The following FBXL2 variants were observed in gnomAD, a reference collection of about 807,000 sequenced individuals.
FBXL2 encodes F-box and leucine rich repeat protein 2, also known as F-box/LRR-repeat protein 2.
A neutral mutation model predicts 69.2 loss-of-function variants in FBXL2; 38 were observed. That is an observed-to-expected ratio of 0.55 (90% CI 0.42 to 0.72). The LOEUF (loss-of-function observed/expected upper bound fraction) is 0.72, where lower values mean the gene tolerates loss of function less well. Among genes scored for constraint, FBXL2 ranks in the 30% least tolerant of loss-of-function variants. FBXL2 has a pLI of 0.00. For synonymous variants in FBXL2, 192 were observed against 201.3 expected (o/e 0.95, Z 0.39); for missense variants, 354 against 520.3 (o/e 0.68, Z 3.11).
chr3:33,388,125 T>TTTAGTTAGTTAGTTAG (rs71070136), downstream of FBXL2: 1 of 145,724 alleles, frequency 6.9e-6, no homozygotes, highest in Non-Finnish European at 1.5e-5. Context: ...TCTGGAATAG[T>TTTAGTTAGTTAGTTAG]TTAGTTAGTT....
At chr3:33,319,462 CTTCAT>C (rs1334492452) in intron 2 of FBXL2, among the ~76,000 whole-genome samples, 2 of 151,970 alleles carry the variant, frequency 1.3e-5, no homozygotes, top group African/African-American at 4.8e-5. Flanking sequence ...GAAGACATTC[CTTCAT>C]TTAACAGCTA....
chr3:33,288,875 A>G (rs2034932886), intron 1 of FBXL2, among the ~76,000 whole-genome samples: 1 of 152,192 alleles, frequency 6.6e-6, no homozygotes, highest in East Asian at 1.9e-4. Flanking sequence ...GTGGAGTAAA[A>G]TTAGGGGAGA....
chr3:33,305,859 A>G (rs1051097213), intron 2 of FBXL2, among the ~76,000 whole-genome samples: 2 of 151,488 alleles, frequency 1.3e-5, no homozygotes, highest in Non-Finnish European at 2.9e-5. Context: ...TTTCTTTGTA[A>G]ACTCTGCTGT....
exon 13 of FBXL2, chr3:33,403,310 T>C (rs894890730): frequency 2.6e-5 from 6 of 235,264 alleles, no homozygotes; most frequent in Non-Finnish European, 5.1e-5. Flanking sequence ...TGACATCACA[T>C]GGTGACCTGA....
chr3:33,341,925 T>C (rs1575264031), intron 2 of FBXL2, among the ~76,000 whole-genome samples: 1 of 151,232 alleles, frequency 6.6e-6, no homozygotes, highest in African/African-American at 2.4e-5. Context: ...GTAGGTGTTA[T>C]AATAAGATGT....
At chr3:33,398,675 G>A (rs908707147) in intron 12 of FBXL2, among the ~76,000 whole-genome samples, 1 of 152,210 alleles carries the variant, frequency 6.6e-6, no homozygotes, top group Non-Finnish European at 1.5e-5. Flanking sequence ...TAAGGAAAAG[G>A]CAGAAGGCCA....
At position 33,385,813 on chromosome 3, in the gene FBXL2, G is replaced by A. The variant is rs1474523631; in HGVS notation, c.*205G>A. 2 of 579,490 alleles carry A rather than the reference G, an allele frequency of 3.5e-6. No individual in the cohort carries two copies. The highest frequency in any genetic ancestry group is 6.2e-6 in the Non-Finnish European group (2 of 324,390). 35.9% of individuals were successfully genotyped at this position (579,490 alleles called of 1,614,324 possible). A position where few individuals can be genotyped will look rare whatever the true frequency, so the allele number is the denominator to read the frequency against. The stretch of plus-strand genomic sequence containing the variant: ...TGTGAAACAATCAAATCAAAGCCTT[G>A]TGTCAGTTAACACATGACAAGTGGT... On this transcript the variant is annotated 3_prime_UTR_variant, in exon 15 of 15. Coordinates refer to ENST00000484457, the MANE Select transcript of FBXL2 (RefSeq NM_012157.5).
chr3:33,364,439 CATTTTTCA>C lies in FBXL2; in HGVS notation c.196-185_196-178del. On this transcript the variant is annotated intron_variant, in intron 4 of 14. Transcript: ENST00000484457. ...AGAATACTTAATGCTTTAATTGGAC[CATTTTTCA>C]GTGCTTGCAGCCCCTGTATGCATTA... is the stretch of plus-strand genomic sequence containing the variant. 4 of 609,394 alleles carry C rather than the reference CATTTTTCA, an allele frequency of 6.6e-6. No individual in the cohort carries two copies. The South Asian group carries it at 8.1e-5, about 12-fold the overall frequency. 37.7% of individuals were successfully genotyped at this position (609,394 alleles called of 1,614,324 possible).
chr3:33,377,747 C>CCAACTT (rs1296037083), intron 11 of FBXL2, among the ~76,000 whole-genome samples: 1 of 152,170 alleles, frequency 6.6e-6, no homozygotes, highest in African/African-American at 2.4e-5. Context: ...CTACCTCCAC[C>CCAACTT]CAACCCCCAC....
At chr3:33,380,428 C>G (rs1013533627) in intron 13 of FBXL2, among the ~76,000 whole-genome samples, 1 of 151,418 alleles carries the variant, frequency 6.6e-6, no homozygotes, top group Non-Finnish European at 1.5e-5. Context: ...CATGGTGGCA[C>G]ATGCCTATAA....
At position 33,295,302 on chromosome 3, in the gene FBXL2, A is replaced by G. The variant is rs557563396; in HGVS notation, c.4-2362A>G. On this transcript the variant is annotated intron_variant, in intron 1 of 14. Coordinates refer to ENST00000484457, the MANE Select transcript of FBXL2 (RefSeq NM_012157.5). ...ACTAGTCTATTTTCTGTCTCCATGG[A>G]TTTGCCTTTTCTGGACATTTAATGT... is the stretch of plus-strand genomic sequence containing the variant. Among the ~76,000 whole-genome samples, 13 of 152,156 alleles carry G rather than the reference A, an allele frequency of 8.5e-5. No individual in the cohort carries two copies. The South Asian group carries it at 2.7e-3, about 32-fold the overall frequency.
chr3:33,370,241 C>T (rs551626202), intron 5 of FBXL2, among the ~76,000 whole-genome samples: 7 of 151,828 alleles, frequency 4.6e-5, no homozygotes, highest in East Asian at 2.0e-4. Context: ...AGTGAAATCC[C>T]GTCTCTACTA....
chr3:33,289,783 G>A (rs1194667151), intron 1 of FBXL2: 2 of 985,426 alleles, frequency 2.0e-6, no homozygotes, highest in Non-Finnish European at 1.2e-6. Context: ...GAGCTAAGAA[G>A]GGTCCTGCTG....
At chr3:33,299,860 T>C (rs1479158355) in intron 2 of FBXL2, among the ~76,000 whole-genome samples, 1 of 152,190 alleles carries the variant, frequency 6.6e-6, no homozygotes, top group African/African-American at 2.4e-5. Context: ...ATGTTTGCCA[T>C]ATAAACCCAA....
downstream of FBXL2, chr3:33,388,491 A>G (rs2043608502): frequency 1.3e-5 from 2 of 152,666 alleles, no homozygotes; most frequent in South Asian, 2.1e-4. Flanking sequence ...TTCAAGTCTG[A>G]TAAGCATCTA....
chr3:33,315,208 C>T (rs1319788765), intron 2 of FBXL2, among the ~76,000 whole-genome samples: 1 of 150,454 alleles, frequency 6.6e-6, no homozygotes, highest in Non-Finnish European at 1.5e-5. Context: ...TTTTCTTTTT[C>T]TTTCTCCTTT....
intron 2 of FBXL2, among the ~76,000 whole-genome samples, chr3:33,325,149 A>T (rs1179454145): frequency 6.6e-6 from 1 of 151,870 alleles, no homozygotes; most frequent in East Asian, 1.9e-4. Context: ...TTGCACATTG[A>T]TTTTTGTGTT....
chr3:33,405,458 ATTTATGATGAAAAAAC>A (rs2044393801), downstream of FBXL2, among the ~76,000 whole-genome samples: 1 of 152,352 alleles, frequency 6.6e-6, no homozygotes, highest in African/African-American at 2.4e-5. Flanking sequence ...AGCTATTTAA[ATTTATGATGAAAAAAC>A]TTTATGATGA....
chr3:33,420,429 A>T, the FBXL2 span, among the ~76,000 whole-genome samples: 2 of 151,076 alleles, frequency 1.3e-5, no homozygotes, highest in Non-Finnish European at 2.9e-5. Context: ...AAATTCAAGC[A>T]ATTCTCATGC....
Sources: gnomAD v4.1 joint callset for allele counts (sites outside exome capture counted in the v4.1 genomes callset) on GRCh38, gnomAD v4.1.1 for gene constraint, MANE v1.5 for transcripts, NCBI Gene and HGNC (gene_info 2026-07-23, HGNC 2026-07-21) for gene names.